The following DNAH7 variants were observed in gnomAD, a reference collection of about 807,000 sequenced individuals.
The protein encoded by DNAH7 is dynein axonemal heavy chain 7.
DNAH7 carries 397 observed loss-of-function variants against 444.6 expected under a neutral mutation model. The observed-to-expected ratio is 0.89, with a 90% CI of 0.82 to 0.97. DNAH7 has a LOEUF of 0.97. Ranked by LOEUF, DNAH7 falls within the 50% of genes least tolerant of loss-of-function variation. The pLI, the probability that DNAH7 is intolerant of heterozygous loss-of-function variation, is 0.00. For missense variants in DNAH7, 4,902 were observed against 4,800.8 expected, an observed-to-expected ratio of 1.02 and a Z score of -0.62; for synonymous variants, 1,636 against 1,624.4, an observed-to-expected ratio of 1.01 and a Z score of -0.17.
Position 195,864,337 on chromosome 2 carries a change from A to C in DNAH7, c.7318T>G (p.Leu2440Val). The change falls in exon 41 of 65, where the codon TTA becomes GTA. Residue 2440 changes from leucine (L) to valine (V), a missense_variant. By Grantham distance (32) the Leu-to-Val change is conservative. Transcript: ENST00000312428. ...TTGGTTTTATCCCGCTGGCGATCTA[A>C]CTGACGCATCTTATCACATATCTCT... ...KQEICDKMRQLDRQRDKTKQT... is the reference protein window; with the variant it reads ...KQEICDKMRQVDRQRDKTKQT... 1 of 1,614,176 alleles carries C rather than the reference A, an allele frequency of 6.2e-7. No individual in the cohort carries two copies. The highest frequency in any genetic ancestry group is 1.3e-5 in the African/African-American group (1 of 75,050).
intron 14 of DNAH7, 93 bp downstream of exon 14, chr2:195,986,973 G>T: frequency 8.9e-7 from 1 of 1,120,274 alleles, no homozygotes; most frequent in Non-Finnish European, 1.2e-6. Flanking sequence ...ATCATTTATG[G>T]CATTGCTTTA....
intron 15 of DNAH7, among the ~76,000 whole-genome samples, chr2:195,977,524 AT>A: frequency 6.6e-6 from 1 of 152,284 alleles, no homozygotes; most frequent in Non-Finnish European, 1.5e-5. Flanking sequence ...AAAAGGGCAA[AT>A]CTAAGAGTTA....
intron 10 of DNAH7, among the ~76,000 whole-genome samples, chr2:196,012,240 T>C (rs1434783104): frequency 6.6e-6 from 1 of 152,188 alleles, no homozygotes; most frequent in Non-Finnish European, 1.5e-5. Flanking sequence ...CTTCAAAGCA[T>C]ACTGTCTGAT....
Position 195,816,880 on chromosome 2 carries a change from T to C in DNAH7, c.9509A>G (p.Lys3170Arg), listed in dbSNP as rs765763627. The C allele has an allele frequency of 5.6e-5, 90 of 1,614,038 alleles. No homozygotes were observed. Among genetic ancestry groups the C allele is most frequent in the Non-Finnish European group, 7.3e-5 (86 of 1,179,998 alleles). ...CAAGGCCTTGGAGGAAGATAATATCTTAATAGCAGTTTCATCTTCTAATAT... is the reference window on the plus strand; with the variant it reads ...CAAGGCCTTGGAGGAAGATAATATCCTAATAGCAGTTTCATCTTCTAATAT... ...GNILEDETAI[K>R]ILSSSKALAN... is the part of the protein sequence containing the mutation. The change falls in exon 51 of 65, where the codon AAG (lysine) becomes AGG (arginine). Residue 3170 changes from lysine (K) to arginine (R), a missense_variant. Transcript: ENST00000312428.
intron 24 of DNAH7, among the ~76,000 whole-genome samples, chr2:195,911,582 A>G (rs139954034): frequency 1.1e-3 from 164 of 152,270 alleles, no homozygotes; most frequent in African/African-American, 3.9e-3. Context: ...CATCAACAAT[A>G]AAGAGAAATC....
intron 24 of DNAH7, among the ~76,000 whole-genome samples, chr2:195,920,652 G>T (rs1045798447): frequency 7.2e-5 from 11 of 152,304 alleles, no homozygotes; most frequent in African/African-American, 2.6e-4. Flanking sequence ...TCTAGACATT[G>T]GCTTAGGCAA....
chr2:195,918,774 G>C (rs1363976920), intron 24 of DNAH7, among the ~76,000 whole-genome samples: 1 of 152,160 alleles, frequency 6.6e-6, no homozygotes, highest in Non-Finnish European at 1.5e-5. Context: ...TGTGGAGCAA[G>C]GGGGCATTTT....
intron 61 of DNAH7, among the ~76,000 whole-genome samples, chr2:195,768,912 G>A (rs531183642): frequency 6.6e-6 from 1 of 152,142 alleles, no homozygotes; most frequent in Admixed American, 6.5e-5. Context: ...ATTGGATATT[G>A]CCATTAAAAA....
chr2:195,943,312 G>A (rs1027301331), intron 19 of DNAH7, among the ~76,000 whole-genome samples: 1 of 152,122 alleles, frequency 6.6e-6, no homozygotes, highest in African/African-American at 2.4e-5. Flanking sequence ...AATATTCATA[G>A]TAGGACCTTT....
intron 48 of DNAH7, among the ~76,000 whole-genome samples, chr2:195,827,898 C>T (rs1333284955): frequency 6.6e-6 from 1 of 152,008 alleles, no homozygotes; most frequent in Admixed American, 6.6e-5. Flanking sequence ...TTTATATTTG[C>T]CTGTATTTCT....
At chr2:195,914,555 G>A (rs1279869507) in intron 24 of DNAH7, among the ~76,000 whole-genome samples, 2 of 151,986 alleles carry the variant, frequency 1.3e-5, no homozygotes, top group Admixed American at 6.6e-5. Context: ...TGAACCACTT[G>A]CCCTGATTCA....
chr2:195,967,866 A>T (rs1312239854), intron 17 of DNAH7, among the ~76,000 whole-genome samples: 1 of 152,146 alleles, frequency 6.6e-6, no homozygotes, highest in African/African-American at 2.4e-5. Context: ...CTTGTACTTG[A>T]ATATTGGCAT....
intron 35 of DNAH7, among the ~76,000 whole-genome samples, chr2:195,882,211 G>A (rs1387987830): frequency 6.6e-6 from 1 of 152,190 alleles, no homozygotes; most frequent in Non-Finnish European, 1.5e-5. Context: ...CAGCAATACT[G>A]TGGTTTTTTG....
At chr2:195,971,307 A>G (rs1691823222) in intron 16 of DNAH7, among the ~76,000 whole-genome samples, 1 of 152,342 alleles carries the variant, frequency 6.6e-6, no homozygotes, top group Non-Finnish European at 1.5e-5. Context: ...GTCATTTACT[A>G]ATACAGTAGC....
intron 19 of DNAH7, among the ~76,000 whole-genome samples, chr2:195,955,502 A>G (rs1462155535): frequency 6.6e-6 from 1 of 152,148 alleles, no homozygotes; most frequent in African/African-American, 2.4e-5. Flanking sequence ...TAAGACAATC[A>G]AGTCTTAAGC....
chr2:196,041,639 T>C (rs1696765887), intron 5 of DNAH7, among the ~76,000 whole-genome samples: 1 of 152,046 alleles, frequency 6.6e-6, no homozygotes, highest in Non-Finnish European at 1.5e-5. Context: ...CTTCAGGAGA[T>C]TGGTCTGGGC....
intron 5 of DNAH7, among the ~76,000 whole-genome samples, chr2:196,028,713 C>T (rs1318767546): frequency 6.6e-6 from 1 of 152,158 alleles, no homozygotes; most frequent in Non-Finnish European, 1.5e-5. Flanking sequence ...TGTGGGATAG[C>T]TTTAACCTCT....
At chr2:195,921,616 G>A (rs141834634) in intron 24 of DNAH7, among the ~76,000 whole-genome samples, 1 of 152,070 alleles carries the variant, frequency 6.6e-6, no homozygotes, top group African/African-American at 2.4e-5. Context: ...GTGGGTGCAG[G>A]ATAAAAGACT....
chr2:195,961,095 T>A, intron 17 of DNAH7, 150 bp from the exon 18 acceptor site: 1 of 560,370 alleles, frequency 1.8e-6, no homozygotes, highest in Non-Finnish European at 2.8e-6. Flanking sequence ...AACAGAGCAG[T>A]AATCTCATTT....
Sources: gnomAD v4.1 joint callset for allele counts (sites outside exome capture counted in the v4.1 genomes callset) on GRCh38, gnomAD v4.1.1 for gene constraint, MANE v1.5 for transcripts, NCBI Gene and HGNC (gene_info 2026-07-23, HGNC 2026-07-21) for gene names.